SLC25A3: variants seen among roughly 807,000 people sequenced by gnomAD.
The protein encoded by SLC25A3 is phosphate transport protein.
In SLC25A3, 14 loss-of-function variants were observed where a neutral mutation model predicts 37.1. That is an observed-to-expected ratio of 0.38 (90% CI 0.25 to 0.59). The LOEUF is 0.59. SLC25A3 is among the 20% of genes least tolerant of loss of function. The pLI is 0.67. For synonymous variants in SLC25A3, 161 were observed against 168.7 expected (o/e 0.95, Z 0.36); for missense variants, 385 against 458.1 (o/e 0.84, Z 1.46).
chr12:98,603,928 CAA>C lies in SLC25A3; in HGVS notation c.*2401_*2402del, dbSNP rs2097599731. 1 of 151,972 alleles carries C rather than the reference CAA, an allele frequency of 6.6e-6. No individual in the cohort carries two copies. The highest frequency in any genetic ancestry group is 2.1e-4 in the South Asian group (1 of 4,822). The allele number at this position is 151,972 out of a possible 1,614,324, so 9.4% of individuals were successfully genotyped here. On this transcript the variant is annotated 3_prime_UTR_variant, in exon 8 of 8. Coordinates refer to ENST00000552981, the MANE Select transcript of SLC25A3 (RefSeq NM_002635.4). ...TTTCATTTAATGAAATGTCTACTGTCAATACGATAAAGCAGAACCCAGTGGAG... is the reference window on the plus strand; with the variant it reads ...TTTCATTTAATGAAATGTCTACTGTCTACGATAAAGCAGAACCCAGTGGAG...
At chr12:98,595,414 T>G (rs753561969) in intron 2 of SLC25A3, 2 of 1,613,456 alleles carry the variant, frequency 1.2e-6, no homozygotes, top group African/African-American at 2.7e-5. Flanking sequence ...ACTTGATTTT[T>G]TTTTTTCCAA....
In SLC25A3 at chr12:98,598,622, T is replaced by G; in HGVS notation, c.560T>G (p.Val187Gly). 6.2e-7 allele frequency: 1 copy of G among 1,614,124 alleles called. No individual in the cohort carries two copies. The highest frequency in any genetic ancestry group is 1.1e-5 in the South Asian group (1 of 91,072). ...IALAPMEAAK[V>G]RIQTQPGYAN... ...CTGGCTCCTATGGAAGCTGCTAAGGTTCGAATTCAAACCCAGCCAGGTTAT... is the reference window on the plus strand; with the variant it reads ...CTGGCTCCTATGGAAGCTGCTAAGGGTCGAATTCAAACCCAGCCAGGTTAT... Residue 187 changes from valine to glycine, a missense_variant, in exon 5 of 8, where the codon GTT (valine) becomes GGT (glycine). Val to Gly is a moderately radical substitution (Grantham distance 109). This residue lies in a region of SLC25A3 where 276 missense variants were observed against 367.6 expected (regional missense o/e 0.75). Coordinates refer to ENST00000552981, the MANE Select transcript of SLC25A3 (RefSeq NM_002635.4).
At chr12:98,593,823 G>A in intron 1 of SLC25A3, 83 bp downstream of exon 1, 1 of 816,804 alleles carries the variant, frequency 1.2e-6, no homozygotes. Context: ...TTGGCGGTGG[G>A]CCCAGCCGGG....
rs748703331 is a variant in SLC25A3 at position 98,601,570 on chromosome 12, G to C, written c.*42G>C. 7.4e-7 allele frequency: 1 copy of C among 1,345,442 alleles called. No individual in the cohort carries two copies. Among genetic ancestry groups the C allele is most frequent in the Admixed American group, 1.7e-5 (1 of 59,624 alleles). The allele number at this position is 1,345,442 out of a possible 1,614,324, so 83.3% of individuals were successfully genotyped here. On this transcript the variant is annotated 3_prime_UTR_variant, in exon 8 of 8. Transcript: ENST00000552981. Reference sequence around the variant, plus strand: ...GTGGACTGAATCTGCTTGTTGATCAGTGTTGAAGAAAGTGCAAAAGGAACT... The same window carrying C: ...GTGGACTGAATCTGCTTGTTGATCACTGTTGAAGAAAGTGCAAAAGGAACT...
chr12:98,595,916 G>T, intron 3 of SLC25A3, 68 bp downstream of exon 3: 1 of 1,459,250 alleles, frequency 6.9e-7, no homozygotes, highest in Non-Finnish European at 9.6e-7. Context: ...AATCTTAAAT[G>T]AGAATTTGAA....
chr12:98,600,238 T>G (rs1305328140), intron 6 of SLC25A3, 111 bp downstream of exon 6: 2 of 841,264 alleles, frequency 2.4e-6, no homozygotes, highest in East Asian at 2.6e-5. Context: ...GCAGTGTTTT[T>G]GTTTTTTTGG....
At position 98,594,099 on chromosome 12, in the gene SLC25A3, C is replaced by T; in HGVS notation, c.121C>T (p.Arg41Cys). Reference protein sequence around the residue: ...SSSPGPTGQPRRPRNLAAAAV... With the variant: ...SSSPGPTGQPCRPRNLAAAAV... ...CTCCCCAGGGCCCACGGGCCAGCCCCGCCGCCCTCGCAACCTGGCAGCCGC... is the reference window on the plus strand; with the variant it reads ...CTCCCCAGGGCCCACGGGCCAGCCCTGCCGCCCTCGCAACCTGGCAGCCGC... Residue 41 changes from arginine to cysteine, a missense_variant, in exon 2 of 8, where the codon CGC becomes TGC. Transcript: ENST00000552981. 1 of 1,611,718 alleles carries T rather than the reference C, an allele frequency of 6.2e-7. No individual in the cohort carries two copies. Among genetic ancestry groups the T allele is most frequent in the Non-Finnish European group, 8.5e-7 (1 of 1,179,250 alleles).
chr12:98,603,529 AGAG>A lies in SLC25A3; in HGVS notation c.*2005_*2007del, dbSNP rs1276429852. On this transcript the variant is annotated 3_prime_UTR_variant, in exon 8 of 8. Coordinates refer to ENST00000552981, the MANE Select transcript of SLC25A3 (RefSeq NM_002635.4). ...TGAGAGGAAAGTCAGTCAACGTGTA[AGAG>A]GAGCAGTAGAAACGCATTAGTCCAG... 5 of 152,202 alleles carry A rather than the reference AGAG, an allele frequency of 3.3e-5. No homozygotes were observed. Among genetic ancestry groups the A allele is most frequent in the Non-Finnish European group, 7.3e-5 (5 of 68,050 alleles). The allele number at this position is 152,202 out of a possible 1,614,324, so 9.4% of individuals were successfully genotyped here.
chr12:98,601,005 C>G lies in SLC25A3; in HGVS notation c.815-166C>G, dbSNP rs566247760. On this transcript the variant is annotated intron_variant, in intron 6 of 7. Coordinates refer to ENST00000552981, the MANE Select transcript of SLC25A3 (RefSeq NM_002635.4). The stretch of plus-strand genomic sequence containing the variant: ...TCTGAAAAACTTTAAAAGATTGTTC[C>G]GTTTTACATAGGATAGACAGCTTGA... 35 of 662,672 alleles carry G rather than the reference C, an allele frequency of 5.3e-5. No homozygotes were observed. The Admixed American group carries it at 1.0e-3, about 19-fold the overall frequency. 41.0% of individuals were successfully genotyped at this position (662,672 alleles called of 1,614,324 possible). A position where few individuals can be genotyped will look rare whatever the true frequency, so the allele number is the denominator to read the frequency against.
chr12:98,594,120 G>A lies in SLC25A3; in HGVS notation c.142G>A (p.Ala48Thr), dbSNP rs1027801539. ...GQPRRPRNLA[A>T]AAVEEYSCEF... is the part of the protein sequence containing the mutation. ...GCCCCGCCGCCCTCGCAACCTGGCA[G>A]CCGCCGCCGTGGAAGGTGAGATCAG... The change falls in exon 2 of 8, where the codon GCC (alanine) becomes ACC (threonine). Residue 48 changes from alanine (A) to threonine (T), a missense_variant. Coordinates refer to ENST00000552981, the MANE Select transcript of SLC25A3 (RefSeq NM_002635.4). 7.5e-6 allele frequency: 12 copies of A among 1,610,702 alleles called. No homozygotes were observed. The highest frequency in any genetic ancestry group is 9.3e-6 in the Non-Finnish European group (11 of 1,178,682).
intron 2 of SLC25A3, 88 bp downstream of exon 2, chr12:98,594,223 G>A: frequency 2.7e-6 from 3 of 1,128,940 alleles, no homozygotes. Flanking sequence ...GGAGGACAGG[G>A]AAGGACGAGT....
In SLC25A3 at chr12:98,603,560, A is replaced by ATCT. The variant is rs1295127195; in HGVS notation, c.*2032_*2033insTCT. 6.6e-6 allele frequency: 1 copy of ATCT among 152,242 alleles called. No homozygotes were observed. Among genetic ancestry groups the ATCT allele is most frequent in the African/African-American group, 2.4e-5 (1 of 41,464 alleles). 9.4% of individuals were successfully genotyped at this position (152,242 alleles called of 1,614,324 possible). A position where few individuals can be genotyped will look rare whatever the true frequency, so the allele number is the denominator to read the frequency against. On this transcript the variant is annotated 3_prime_UTR_variant, in exon 8 of 8. Coordinates refer to ENST00000552981, the MANE Select transcript of SLC25A3 (RefSeq NM_002635.4). ...GCAGTAGAAACGCATTAGTCCAGCC[A>ATCT]ACGTGAAAGTGGACCGTAGATCTAA...
chr12:98,595,400 A>AC, intron 2 of SLC25A3: 2 of 1,610,280 alleles, frequency 1.2e-6, no homozygotes, highest in Non-Finnish European at 1.7e-6. Context: ...CTGAAGAAAT[A>AC]CTTACTTGAT....
In SLC25A3 at chr12:98,597,974, G is replaced by A; in HGVS notation, c.398G>A (p.Gly133Glu). 1 of 1,614,042 alleles carries A rather than the reference G, an allele frequency of 6.2e-7. No individual in the cohort carries two copies. The highest frequency in any genetic ancestry group is 8.5e-7 in the Non-Finnish European group (1 of 1,179,908). The change falls in exon 4 of 8, where the codon GGA becomes GAA. Residue 133 changes from glycine (G) to glutamate (E), a missense_variant. Around this residue, in one of 2 missense-constraint regions of SLC25A3, gnomAD observed 276 missense variants for 367.6 expected, o/e 0.75. Transcript: ENST00000552981. ...APTFLGYSMQ[G>E]LCKFGFYEVF... ...ACTTTCCTTGGCTACTCCATGCAGGGACTCTGCAAGTTTGGCTTTTATGAA... is the reference window on the plus strand; with the variant it reads ...ACTTTCCTTGGCTACTCCATGCAGGAACTCTGCAAGTTTGGCTTTTATGAA...
intron 3 of SLC25A3, 102 bp from the exon 4 acceptor site, chr12:98,597,754 G>C: frequency 1.3e-6 from 2 of 1,508,262 alleles, no homozygotes; most frequent in South Asian, 1.2e-5. Context: ...TTGTGTAGTT[G>C]CTGAAATTTA....
Position 98,595,815 on chromosome 12 carries a change from G to A in SLC25A3, c.246G>A (p.Val82=), listed in dbSNP as rs141298226. 4.1e-4 allele frequency: 661 copies of A among 1,614,022 alleles called. No individual in the cohort carries two copies. Among genetic ancestry groups the A allele is most frequent in the Non-Finnish European group, 4.8e-4 (566 of 1,180,020 alleles). Residue 82 remains valine, a synonymous_variant, in exon 3 of 8, where the codon GTG becomes GTA. Coordinates refer to ENST00000552981, the MANE Select transcript of SLC25A3 (RefSeq NM_002635.4). ...GTTGTGGTCTGACACACACTGCTGT[G>A]GTTCCCCTGGATTTAGTGAAATGCC... The part of the protein sequence containing the change: ...VLSCGLTHTA[V]VPLDLVKCRM...
chr12:98,597,722 C>T (rs2097594154), intron 3 of SLC25A3, 134 bp from the exon 4 acceptor site: 4 of 1,284,052 alleles, frequency 3.1e-6, no homozygotes, highest in Non-Finnish European at 4.3e-6. Flanking sequence ...CCGTGCCTGG[C>T]AGGAATTACT....
Position 98,601,962 on chromosome 12 carries a change from G to T in SLC25A3, c.*434G>T. On this transcript the variant is annotated 3_prime_UTR_variant, in exon 8 of 8. Transcript: ENST00000552981. ...TATAGTTAAATATGTGTAGTCATTTGTGGTTATTTTGGCAAGTAAATGTCA... is the reference window on the plus strand; with the variant it reads ...TATAGTTAAATATGTGTAGTCATTTTTGGTTATTTTGGCAAGTAAATGTCA... 1 of 200,894 alleles carries T rather than the reference G, an allele frequency of 5.0e-6. No individual in the cohort carries two copies. The highest frequency in any genetic ancestry group is 1.0e-5 in the Non-Finnish European group (1 of 97,508). The allele number at this position is 200,894 out of a possible 1,614,324, so 12.4% of individuals were successfully genotyped here.
rs1302964992 is a variant in SLC25A3 at position 98,604,263 on chromosome 12, A to AAAAAAAT, written c.*2736_*2737insAAAAATA. 5.2e-3 allele frequency: 700 copies of AAAAAAAT among 134,502 alleles called. 9 individuals are homozygous for AAAAAAAT. Among genetic ancestry groups the AAAAAAAT allele is most frequent in the African/African-American group, 0.019 (646 of 34,816 alleles). 8.3% of individuals were successfully genotyped at this position (134,502 alleles called of 1,614,324 possible). ...GCGAAACTCTGTCTCAAAAAAAAAA[A>AAAAAAAT]ATATATATATATATATATATATATG... On this transcript the variant is annotated 3_prime_UTR_variant, in exon 8 of 8. Coordinates refer to ENST00000552981, the MANE Select transcript of SLC25A3 (RefSeq NM_002635.4).
Sources: gnomAD v4.1 joint callset for allele counts on GRCh38, gnomAD v4.1.1 for gene constraint, gnomAD v4.1.1 regional missense constraint, MANE v1.5 for transcripts, NCBI Gene and HGNC (gene_info 2026-07-23, HGNC 2026-07-21) for gene names.